The following PTPRM variants were observed in gnomAD, a reference collection of about 807,000 sequenced individuals.
PTPRM encodes the protein receptor-type tyrosine-protein phosphatase mu.
In PTPRM, 47 loss-of-function variants were observed where a neutral mutation model predicts 186.7. That is an observed-to-expected ratio of 0.25 (90% CI 0.20 to 0.32). The LOEUF (loss-of-function observed/expected upper bound fraction) is 0.32, where lower values mean the gene tolerates loss of function less well. PTPRM is among the 10% of genes least tolerant of loss of function. PTPRM has a pLI of 1.00. For missense variants in PTPRM, 1,494 were observed against 1,865.0 expected (o/e 0.80, Z 3.66); for synonymous variants, 668 against 674.9 (o/e 0.99, Z 0.16).
chr18:7,915,572 G>T (rs1294723709), intron 4 of PTPRM, among the ~76,000 whole-genome samples: 1 of 152,080 alleles, frequency 6.6e-6, no homozygotes, highest in African/African-American at 2.4e-5. Context: ...ATTTTTGTGG[G>T]CTAAGTATGA....
intron 14 of PTPRM, among the ~76,000 whole-genome samples, chr18:8,235,558 T>A (rs987006060): frequency 6.6e-6 from 1 of 151,536 alleles, no homozygotes; most frequent in Non-Finnish European, 1.5e-5. Context: ...TATTGACTTC[T>A]TGTTTCTGTT....
intron 2 of PTPRM, among the ~76,000 whole-genome samples, chr18:7,810,064 G>A (rs769946897): frequency 1.7e-4 from 26 of 152,306 alleles, no homozygotes; most frequent in Admixed American, 3.3e-4. Context: ...TGGAGGTGGG[G>A]TTGGGGGAGA....
At chr18:8,040,392 C>T (rs1181612949) in intron 7 of PTPRM, among the ~76,000 whole-genome samples, 1 of 152,050 alleles carries the variant, frequency 6.6e-6, no homozygotes, top group African/African-American at 2.4e-5. Context: ...TTGCATTGGG[C>T]TCATGGTATG....
intron 1 of PTPRM, among the ~76,000 whole-genome samples, chr18:7,739,033 A>G (rs544156007): frequency 6.6e-6 from 1 of 152,170 alleles, no homozygotes; most frequent in East Asian, 1.9e-4. Context: ...TGAGCTGGTC[A>G]TTGCTGATTG....
At chr18:7,575,227 G>T (rs533767386) in intron 1 of PTPRM, among the ~76,000 whole-genome samples, 1 of 152,070 alleles carries the variant, frequency 6.6e-6, no homozygotes, top group Non-Finnish European at 1.5e-5. Context: ...TTTGTAGCCG[G>T]CCTTTCTGAG....
intron 2 of PTPRM, among the ~76,000 whole-genome samples, chr18:7,825,348 T>C (rs1176970200): frequency 2.6e-5 from 4 of 152,114 alleles, no homozygotes; most frequent in Non-Finnish European, 4.4e-5. Context: ...GACTTCGCTA[T>C]TTAATAAATG....
chr18:7,809,118 TG>T (rs2044377941), intron 2 of PTPRM, among the ~76,000 whole-genome samples: 1 of 152,156 alleles, frequency 6.6e-6, no homozygotes, highest in African/African-American at 2.4e-5. Flanking sequence ...TCTCAGTCCC[TG>T]GAGCTGGTGG....
At chr18:7,714,244 G>A (rs377745000) in intron 1 of PTPRM, among the ~76,000 whole-genome samples, 1 of 152,128 alleles carries the variant, frequency 6.6e-6, no homozygotes, top group South Asian at 2.1e-4. Context: ...CATGGAAACT[G>A]AACAATCTCC....
At chr18:8,319,145 G>A (rs1601788071) in intron 21 of PTPRM, 33 bp from the exon 22 acceptor site, 2 of 1,426,542 alleles carry the variant, frequency 1.4e-6, no homozygotes, top group African/African-American at 2.8e-5. Context: ...TCGATTTTAT[G>A]TTTATCAAAT....
At chr18:7,830,452 A>C (rs757907613) in intron 2 of PTPRM, among the ~76,000 whole-genome samples, 1 of 152,238 alleles carries the variant, frequency 6.6e-6, no homozygotes, top group Non-Finnish European at 1.5e-5. Flanking sequence ...CACAAAATGT[A>C]CTTGCACAAA....
chr18:7,764,864 C>T (rs914776138), intron 1 of PTPRM, among the ~76,000 whole-genome samples: 7 of 152,116 alleles, frequency 4.6e-5, no homozygotes, highest in African/African-American at 1.2e-4. Flanking sequence ...CCTGCTTCTA[C>T]GATAGAGGCA....
At chr18:8,306,125 G>A (rs1208640709) in intron 20 of PTPRM, among the ~76,000 whole-genome samples, 3 of 152,046 alleles carry the variant, frequency 2.0e-5, no homozygotes, top group South Asian at 2.1e-4. Context: ...TCGAACTCCC[G>A]ACCTGAGGTG....
chr18:8,222,943 G>T (rs1294496087), intron 14 of PTPRM, among the ~76,000 whole-genome samples: 1 of 152,118 alleles, frequency 6.6e-6, no homozygotes. Context: ...TAAATAATAG[G>T]CTAGTGTGGT....
chr18:8,263,720 C>CT (rs2094662969), intron 19 of PTPRM, among the ~76,000 whole-genome samples: 1 of 152,154 alleles, frequency 6.6e-6, no homozygotes, highest in African/African-American at 2.4e-5. Context: ...AGATCACACT[C>CT]TCTAAAAACT....
At chr18:8,236,279 T>G (rs2094345093) in intron 14 of PTPRM, among the ~76,000 whole-genome samples, 1 of 152,234 alleles carries the variant, frequency 6.6e-6, no homozygotes, top group South Asian at 2.1e-4. Flanking sequence ...TTAAAAAATT[T>G]TATGTCTTCT....
rs563263214 is a variant in PTPRM at position 7,885,628 on chromosome 18, C to T, written c.197-2478C>T. ...TAATCTGCACTACAGAAGCATGCCT[C>T]AAAGCAAAATAGACTATTCTTAGTC... is the stretch of plus-strand genomic sequence containing the variant. On this transcript the variant is annotated intron_variant, in intron 2 of 32. Coordinates refer to ENST00000580170, the MANE Select transcript of PTPRM (RefSeq NM_001105244.2). Among the ~76,000 whole-genome samples the T allele has an allele frequency of 3.9e-5, 6 of 152,012 alleles. No homozygotes were observed. In the South Asian group the frequency reaches 8.3e-4, roughly 21 times the overall value.
At chr18:7,632,745 A>G (rs1001632756) in intron 1 of PTPRM, among the ~76,000 whole-genome samples, 8 of 152,242 alleles carry the variant, frequency 5.3e-5, no homozygotes, top group Admixed American at 2.6e-4. Flanking sequence ...TTGGGATGAA[A>G]TAATGGAGAG....
At chr18:8,310,928 T>C (rs1178134892) in intron 20 of PTPRM, among the ~76,000 whole-genome samples, 1 of 152,208 alleles carries the variant, frequency 6.6e-6, no homozygotes, top group African/African-American at 2.4e-5. Flanking sequence ...TTTGGACAGT[T>C]AGAGATGGTT....
intron 1 of PTPRM, among the ~76,000 whole-genome samples, chr18:7,655,299 G>T (rs1018245003): frequency 2.0e-5 from 3 of 152,018 alleles, no homozygotes; most frequent in Admixed American, 6.6e-5. Flanking sequence ...TTAAGTGATG[G>T]TCCTCCTGCC....
Sources: gnomAD v4.1 joint callset for allele counts (sites outside exome capture counted in the v4.1 genomes callset) on GRCh38, gnomAD v4.1.1 for gene constraint, MANE v1.5 for transcripts, NCBI Gene and HGNC (gene_info 2026-07-23, HGNC 2026-07-21) for gene names.